The following FAM13B variants were observed in gnomAD, a reference collection of about 807,000 sequenced individuals.
FAM13B encodes the protein family with sequence similarity 13 member B.
A neutral mutation model predicts 117.3 loss-of-function variants in FAM13B; 60 were observed. The observed-to-expected ratio is 0.51, with a 90% CI of 0.42 to 0.63. The LOEUF (loss-of-function observed/expected upper bound fraction) is 0.63, where lower values mean the gene tolerates loss of function less well. Ranked by LOEUF, FAM13B falls within the 30% of genes least tolerant of loss-of-function variation. The probability of loss-of-function intolerance (pLI) is 0.00; values close to 1 mark genes in which losing one functional copy is unlikely to be tolerated. For missense variants in FAM13B, 972 were observed against 1,091.9 expected, an observed-to-expected ratio of 0.89 and a Z score of 1.55; for synonymous variants, 332 against 356.1, an observed-to-expected ratio of 0.93 and a Z score of 0.76.
chr5:138,021,286 G>A (rs1056204446), intron 1 of FAM13B, 89 bp from the exon 2 acceptor site: 3 of 1,007,958 alleles, frequency 3.0e-6, no homozygotes, highest in African/African-American at 1.7e-5. Context: ...GTCCTCTTAA[G>A]AGGTTACCTA....
At chr5:137,967,830 T>C (rs895650183) in intron 10 of FAM13B, among the ~76,000 whole-genome samples, 9 of 152,060 alleles carry the variant, frequency 5.9e-5, no homozygotes, top group Non-Finnish European at 8.8e-5. Context: ...GAGGCTGAGA[T>C]TGCAGTGAGC....
intron 1 of FAM13B, among the ~76,000 whole-genome samples, chr5:138,042,888 TCAAGACC>T (rs2151128364): frequency 6.6e-6 from 1 of 152,216 alleles, no homozygotes; most frequent in African/African-American, 2.4e-5. Flanking sequence ...AGCCAGGAGT[TCAAGACC>T]AGCCTGGCTA....
At chr5:137,989,120 G>C (rs1777969976) in intron 7 of FAM13B, among the ~76,000 whole-genome samples, 1 of 152,226 alleles carries the variant, frequency 6.6e-6, no homozygotes, top group African/African-American at 2.4e-5. Context: ...ATAGGGAGGA[G>C]TGACCCTGCC....
chr5:137,993,891 T>C (rs761426338), intron 7 of FAM13B, among the ~76,000 whole-genome samples: 16 of 152,182 alleles, frequency 1.1e-4, no homozygotes, highest in Non-Finnish European at 1.6e-4. Flanking sequence ...CCCAAGAGTC[T>C]ACATTTTTAA....
At chr5:138,040,334 C>A (rs965149176) in intron 1 of FAM13B, among the ~76,000 whole-genome samples, 11 of 149,860 alleles carry the variant, frequency 7.3e-5, no homozygotes, top group Non-Finnish European at 1.5e-4. Context: ...CTTTGGGAGG[C>A]CGAGGCGGGC....
intron 15 of FAM13B, 35 bp from the exon 16 acceptor site, chr5:137,953,500 T>C: frequency 1.2e-6 from 2 of 1,608,584 alleles, no homozygotes; most frequent in South Asian, 1.1e-5. Context: ...CTGTTAAATT[T>C]TCAAGTACCA....
At chr5:138,037,233 G>A (rs1437645770), upstream of FAM13B, 1 of 152,580 alleles carries the variant, frequency 6.6e-6, no homozygotes, top group African/African-American at 2.4e-5. Context: ...TCCTTCTGGA[G>A]ATGAGGCCAT....
chr5:137,956,534 G>T lies in FAM13B; in HGVS notation c.1450C>A (p.Pro484Thr). The T allele has an allele frequency of 6.3e-7, 1 of 1,593,096 alleles. No individual in the cohort carries two copies. Among genetic ancestry groups the T allele is most frequent in the Non-Finnish European group, 8.6e-7 (1 of 1,168,686 alleles). Residue 484 changes from proline to threonine, a missense_variant, in exon 14 of 24, where the codon CCT (proline) becomes ACT (threonine). Coordinates refer to ENST00000689681, the MANE Select transcript of FAM13B (RefSeq NM_001385994.1). The stretch of plus-strand genomic sequence containing the variant: ...AAATCAATGAGGGGAAAAGTGATAG[G>T]GCATGACGCTAATAAAATGGAAAAA... ...SDGDKWEASC[P>T]ITFPLIDFKT... is the part of the protein sequence containing the mutation.
intron 9 of FAM13B, 98 bp downstream of exon 9, chr5:137,987,363 C>G (rs1777499091): frequency 8.8e-7 from 1 of 1,139,168 alleles, no homozygotes; most frequent in East Asian, 2.6e-5. Context: ...TTTCAGAAAT[C>G]TCCAAGAAAG....
chr5:137,962,884 T>C (rs1033858942), intron 10 of FAM13B, among the ~76,000 whole-genome samples: 4 of 152,066 alleles, frequency 2.6e-5, no homozygotes, highest in Non-Finnish European at 5.9e-5. Flanking sequence ...CTTTGTATAT[T>C]TGAAGTAATA....
Position 138,033,058 on chromosome 5 carries a change from G to T in FAM13B, c.-479C>A, listed in dbSNP as rs1046715637. The T allele has an allele frequency of 2.4e-5, 24 of 986,540 alleles. No homozygotes were observed. The highest frequency in any genetic ancestry group is 2.6e-5 in the Non-Finnish European group (22 of 831,006). The allele number at this position is 986,540 out of a possible 1,614,324, so 61.1% of individuals were successfully genotyped here. On this transcript the variant is annotated 5_prime_UTR_variant, in exon 1 of 24. Transcript: ENST00000689681. ...GGCTGAGGTGCAGAGCCTCCCTAAC[G>T]GCGAGCGGGAGGAGAGCGGCTGGCG...
intron 3 of FAM13B, 95 bp from the exon 4 acceptor site, chr5:138,018,609 T>C (rs927684469): frequency 2.6e-5 from 31 of 1,176,570 alleles, no homozygotes; most frequent in East Asian, 1.6e-4. Flanking sequence ...ACTCATACTT[T>C]TGGAAAGCCT....
chr5:137,991,968 C>A (rs982002161), intron 7 of FAM13B, among the ~76,000 whole-genome samples: 1 of 152,136 alleles, frequency 6.6e-6, no homozygotes. Flanking sequence ...GTCACCCAGG[C>A]TAGAGTGCAG....
intron 11 of FAM13B, among the ~76,000 whole-genome samples, chr5:137,960,505 T>G (rs1767855597): frequency 6.6e-6 from 1 of 151,830 alleles, no homozygotes; most frequent in Non-Finnish European, 1.5e-5. Context: ...AAAACTAAAA[T>G]CCACAGTAAG....
Position 138,011,889 on chromosome 5 carries a change from G to C in FAM13B, c.427C>G (p.Pro143Ala), listed in dbSNP as rs769340243. Reference sequence around the variant, plus strand: ...TTTAACAAACTATAATTAACAGGTGGAAGCTGTTGCAAGAGGAACCTCAAC... The same window carrying C: ...TTTAACAAACTATAATTAACAGGTGCAAGCTGTTGCAAGAGGAACCTCAAC... The part of the protein sequence containing the change: ...RKLRFLLQQL[P>A]PVNYSLLKFL... Residue 143 changes from proline (P) to alanine (A), a missense_variant, in exon 5 of 24, where the codon CCA becomes GCA. Coordinates refer to ENST00000689681, the MANE Select transcript of FAM13B (RefSeq NM_001385994.1). 1 of 1,601,090 alleles carries C rather than the reference G, an allele frequency of 6.2e-7. No homozygotes were observed. The highest frequency in any genetic ancestry group is 8.5e-7 in the Non-Finnish European group (1 of 1,176,038).
At position 138,030,714 on chromosome 5, in the gene FAM13B, C is replaced by T. The variant is rs948396448; in HGVS notation, c.-203+2068G>A. On this transcript the variant is annotated intron_variant, in intron 1 of 23. Coordinates refer to ENST00000689681, the MANE Select transcript of FAM13B (RefSeq NM_001385994.1). The stretch of plus-strand genomic sequence containing the variant: ...GGGCAACAAGAATGAAACTCCGTCC[C>T]CCCCCCCCAAAAAAAAAAATTGAAC... 6.5e-5 allele frequency among the ~76,000 whole-genome samples: 9 copies of T among 138,666 alleles called. 1 individual carries two copies. The highest frequency in any genetic ancestry group is 1.9e-4 in the African/African-American group (7 of 37,324). The allele number at this position is 138,666 out of a possible 152,430, so 91.0% of individuals were successfully genotyped here.
chr5:137,999,269 T>C (rs942557003), intron 7 of FAM13B, among the ~76,000 whole-genome samples: 5 of 151,958 alleles, frequency 3.3e-5, no homozygotes, highest in Non-Finnish European at 7.4e-5. Context: ...CATGACACTA[T>C]GCCCAGCTCA....
At chr5:137,982,632 A>G (rs1352248346) in intron 10 of FAM13B, among the ~76,000 whole-genome samples, 1 of 152,084 alleles carries the variant, frequency 6.6e-6, no homozygotes, top group Admixed American at 6.6e-5. Context: ...AAAGAATCTG[A>G]ACAAACAGGC....
chr5:138,037,407 C>T (rs968062255), upstream of FAM13B: 2 of 150,806 alleles, frequency 1.3e-5, no homozygotes, highest in African/African-American at 4.9e-5. Flanking sequence ...ATCTTTGCTA[C>T]AACCTGGACT....
Sources: allele counts gnomAD v4.1 joint callset (sites outside exome capture counted in the v4.1 genomes callset), GRCh38; gene constraint gnomAD v4.1.1; transcripts MANE v1.5; gene names NCBI Gene and HGNC (gene_info 2026-07-23, HGNC 2026-07-21).